The following KATNIP variants were observed in gnomAD, a reference collection of about 807,000 sequenced individuals.
The protein encoded by KATNIP is katanin-interacting protein.
KATNIP carries 126 observed loss-of-function variants against 174.0 expected under a neutral mutation model. The ratio of observed to expected loss-of-function variants is 0.72; its 90% confidence interval spans 0.63 to 0.84. KATNIP has a LOEUF of 0.84. Ranked by LOEUF, KATNIP falls within the 40% of genes least tolerant of loss-of-function variation. The probability of loss-of-function intolerance (pLI) is 0.00; values close to 1 mark genes in which losing one functional copy is unlikely to be tolerated. For missense variants in KATNIP, 1,958 were observed against 2,109.7 expected, an observed-to-expected ratio of 0.93 and a Z score of 1.41; for synonymous variants, 810 against 835.7, an observed-to-expected ratio of 0.97 and a Z score of 0.53.
chr16:27,628,680 A>G lies in KATNIP; in HGVS notation c.160A>G (p.Ser54Gly), dbSNP rs749350821. 2.3e-5 allele frequency: 37 copies of G among 1,614,068 alleles called. No individual in the cohort carries two copies. The Admixed American group carries it at 3.7e-4, about 16-fold the overall frequency. The change falls in exon 4 of 28, where the codon AGC becomes GGC. Residue 54 changes from serine (S) to glycine (G), a missense_variant. By Grantham distance (56) the Ser-to-Gly change is moderately conservative. This residue lies in a region of KATNIP where 1,557 missense variants were observed against 1,617.8 expected (regional missense o/e 0.96). Coordinates refer to ENST00000261588, the MANE Select transcript of KATNIP (RefSeq NM_015202.5). The stretch of plus-strand genomic sequence containing the variant: ...TTTCAGGATATTAAAGCATTTGAAA[A>G]GCAAGGACCCCGTGCAATTGAGGCT... ...QRNRILKHLK[S>G]KDPVQLRLEH...
chr16:27,647,575 G>A lies in KATNIP; in HGVS notation c.409-1029G>A, dbSNP rs144900117. 3.7e-3 allele frequency among the ~76,000 whole-genome samples: 562 copies of A among 151,170 alleles called. 6 individuals carry two copies. Among genetic ancestry groups the A allele is most frequent in the African/African-American group, 0.013 (550 of 41,062 alleles). ...GGCTGGAGTGCAATGGCATGATCTC[G>A]GCTCACTGCAACCTCTGCCTCCCGG... is the stretch of plus-strand genomic sequence containing the variant. On this transcript the variant is annotated intron_variant, in intron 5 of 27. Transcript: ENST00000261588.
rs971667066 is a variant in KATNIP at position 27,646,550 on chromosome 16, G to T, written c.409-2054G>T. 5.9e-5 allele frequency among the ~76,000 whole-genome samples: 9 copies of T among 152,340 alleles called. No homozygotes were observed. The South Asian group carries it at 1.2e-3, about 21-fold the overall frequency. ...GAAAACAAGGGAGGTGTTTCCTGAA[G>T]GACACAGCCTGGATGCTGGACTGAT... On this transcript the variant is annotated intron_variant, in intron 5 of 27. Coordinates refer to ENST00000261588, the MANE Select transcript of KATNIP (RefSeq NM_015202.5).
chr16:27,703,657 G>T (rs2079188336), intron 11 of KATNIP, among the ~76,000 whole-genome samples: 1 of 152,186 alleles, frequency 6.6e-6, no homozygotes, highest in African/African-American at 2.4e-5. Flanking sequence ...AGGGAGGTCA[G>T]CTGGCCACCT....
intron 15 of KATNIP, among the ~76,000 whole-genome samples, chr16:27,748,349 G>GC (rs1461424139): frequency 6.6e-6 from 1 of 152,228 alleles, no homozygotes; most frequent in African/African-American, 2.4e-5. Flanking sequence ...GATTCGCCCA[G>GC]CTGAGGCAGG....
chr16:27,695,037 G>A (rs968993049), intron 8 of KATNIP, among the ~76,000 whole-genome samples: 1 of 152,138 alleles, frequency 6.6e-6, no homozygotes, highest in Non-Finnish European at 1.5e-5. Flanking sequence ...GGAGTCACCT[G>A]TAACTCCTCT....
At chr16:27,588,161 G>A (rs547720758) in intron 2 of KATNIP, among the ~76,000 whole-genome samples, 4 of 151,620 alleles carry the variant, frequency 2.6e-5, no homozygotes, top group Non-Finnish European at 5.9e-5. Context: ...CAAAGTGCTG[G>A]GATTACCGCT....
intron 13 of KATNIP, among the ~76,000 whole-genome samples, chr16:27,711,540 C>T (rs1361380202): frequency 2.6e-5 from 4 of 152,134 alleles, no homozygotes; most frequent in Non-Finnish European, 4.4e-5. Flanking sequence ...GGTTTGTCCT[C>T]GCAACTCTCT....
intron 10 of KATNIP, among the ~76,000 whole-genome samples, chr16:27,701,155 T>A (rs535890897): frequency 9.9e-5 from 15 of 152,222 alleles, no homozygotes; most frequent in African/African-American, 3.6e-4. Flanking sequence ...TGAGAGGATT[T>A]TTTTTTATTT....
Position 27,580,028 on chromosome 16 carries a change from G to C in KATNIP, c.63+6072G>C, listed in dbSNP as rs572183598. On this transcript the variant is annotated intron_variant, in intron 2 of 27. Coordinates refer to ENST00000261588, the MANE Select transcript of KATNIP (RefSeq NM_015202.5). ...CTCCAGGGACGAGGTTATCTCGACA[G>C]CCCTCTCTGTCTCTTCAGTGTGCAA... 2.6e-5 allele frequency among the ~76,000 whole-genome samples: 4 copies of C among 152,212 alleles called. No individual in the cohort carries two copies. In the East Asian group the frequency reaches 7.7e-4, roughly 29 times the overall value.
chr16:27,617,068 A>T (rs973121153), intron 2 of KATNIP, among the ~76,000 whole-genome samples: 14 of 152,274 alleles, frequency 9.2e-5, no homozygotes, highest in South Asian at 6.2e-4. Flanking sequence ...CTTTAAATAT[A>T]TGTAGTTTAT....
chr16:27,705,063 A>T lies in KATNIP; in HGVS notation c.1389+1065A>T, dbSNP rs975867493. On this transcript the variant is annotated intron_variant, in intron 12 of 27. Transcript: ENST00000261588. ...GTAGCTGGGATTACAGGCACGCATCACCATGCCCAGCTAATTTTTGTATTT... is the reference window on the plus strand; with the variant it reads ...GTAGCTGGGATTACAGGCACGCATCTCCATGCCCAGCTAATTTTTGTATTT... Among the ~76,000 whole-genome samples the T allele has an allele frequency of 3.3e-5, 5 of 151,700 alleles. No individual in the cohort carries two copies. In the South Asian group the frequency reaches 6.2e-4, roughly 19 times the overall value.
chr16:27,735,401 C>T (rs947799424), intron 14 of KATNIP, among the ~76,000 whole-genome samples: 1 of 152,216 alleles, frequency 6.6e-6, no homozygotes, highest in East Asian at 1.9e-4. Context: ...TAGATGGTTT[C>T]CCCATCACCC....
chr16:27,675,346 T>C (rs922968001), intron 6 of KATNIP, among the ~76,000 whole-genome samples: 1 of 152,170 alleles, frequency 6.6e-6, no homozygotes, highest in Non-Finnish European at 1.5e-5. Flanking sequence ...TTCAGTTATC[T>C]CCACCTGGCC....
Position 27,771,608 on chromosome 16 carries a change from A to G in KATNIP, c.4154A>G (p.Glu1385Gly), listed in dbSNP as rs575058610. The change falls in exon 22 of 28, where the codon GAG (glutamate) becomes GGG (glycine). Residue 1385 changes from glutamate to glycine, a missense_variant. Glu to Gly is a moderately conservative substitution (Grantham distance 98, BLOSUM62 -2). Coordinates refer to ENST00000261588, the MANE Select transcript of KATNIP (RefSeq NM_015202.5). ...PARRLDMRSL[E>G]CASMDYEAPL... The stretch of plus-strand genomic sequence containing the variant: ...TTCAGGCTGGACATGAGAAGCCTGG[A>G]GTGTGCAAGCATGGACTACGAGGCA... 36 of 1,613,228 alleles carry G rather than the reference A, an allele frequency of 2.2e-5. No homozygotes were observed. In the South Asian group the frequency reaches 4.0e-4, roughly 18 times the overall value.
At position 27,740,058 on chromosome 16, in the gene KATNIP, C is replaced by G. The variant is rs1301860684; in HGVS notation, c.1761C>G (p.Ala587=). Residue 587 remains alanine (A), a synonymous_variant, in exon 15 of 28, where the codon GCC becomes GCG. Transcript: ENST00000261588. The part of the protein sequence containing the change: ...WTADGDLDIG[A]KNVKLYVNRN... ...GGTTTCAGGATCTTGACATTGGTGC[C>G]AAGAACGTGAAGCTTTACGTCAACA... is the stretch of plus-strand genomic sequence containing the variant. The G allele has an allele frequency of 6.2e-7, 1 of 1,612,012 alleles. No homozygotes were observed. Among genetic ancestry groups the G allele is most frequent in the East Asian group, 2.2e-5 (1 of 44,826 alleles).
rs111517227 is a variant in KATNIP, at chr16:27,761,513, C to T, written c.3732C>T (p.His1244=). The T allele has an allele frequency of 4.3e-6, 7 of 1,614,038 alleles. No homozygotes were observed. Among genetic ancestry groups the T allele is most frequent in the African/African-American group, 4.0e-5 (3 of 74,938 alleles). The part of the protein sequence containing the change: ...VGKEGQALPI[H]LHQISASPRD... ...AGGAGGGCCAGGCGCTGCCCATCCA[C>T]CTGCACCAGATCTCTGCTTCCCCCA... Residue 1244 remains histidine (H), a synonymous_variant, in exon 19 of 28, where the codon CAC becomes CAT. Coordinates refer to ENST00000261588, the MANE Select transcript of KATNIP (RefSeq NM_015202.5).
At chr16:27,747,440 G>A (rs541331846) in intron 15 of KATNIP, among the ~76,000 whole-genome samples, 2 of 152,150 alleles carry the variant, frequency 1.3e-5, no homozygotes, top group South Asian at 4.2e-4. Context: ...TTGTCATCAG[G>A]ATCCTCCATC....
chr16:27,595,167 A>G (rs952686302), intron 2 of KATNIP, among the ~76,000 whole-genome samples: 1 of 152,176 alleles, frequency 6.6e-6, no homozygotes, highest in Admixed American at 6.5e-5. Context: ...GGTAGATTGC[A>G]TGAGACCAGG....
chr16:27,739,168 G>A (rs769100183), intron 14 of KATNIP, among the ~76,000 whole-genome samples: 4 of 152,138 alleles, frequency 2.6e-5, no homozygotes, highest in Admixed American at 6.5e-5. Context: ...GCACATTCCA[G>A]GTAAAGAGGT....
Sources: gnomAD v4.1 joint callset for allele counts (sites outside exome capture counted in the v4.1 genomes callset) on GRCh38, gnomAD v4.1.1 for gene constraint, gnomAD v4.1.1 regional missense constraint, MANE v1.5 for transcripts, NCBI Gene and HGNC (gene_info 2026-07-23, HGNC 2026-07-21) for gene names.